The following RBFOX1 variants were observed in gnomAD, a reference collection of about 807,000 sequenced individuals.
RBFOX1 encodes the protein RNA binding protein fox-1 homolog 1.
RBFOX1 carries 8 observed loss-of-function variants against 57.7 expected under a neutral mutation model. The observed-to-expected ratio is 0.14, with a 90% CI of 0.08 to 0.25. The LOEUF (loss-of-function observed/expected upper bound fraction) is 0.25. Among genes scored for constraint, RBFOX1 ranks in the 10% least tolerant of loss-of-function variants. RBFOX1 has a pLI of 1.00. For missense variants in RBFOX1, 611 were observed against 548.5 expected, an observed-to-expected ratio of 1.11 and a Z score of -1.14; for synonymous variants, 326 against 222.4, an observed-to-expected ratio of 1.47 and a Z score of -4.15.
At chr16:5,522,538 G>A (rs1386059) in intron 2 of RBFOX1, among the ~76,000 whole-genome samples, 56,984 of 152,136 alleles carry the variant, frequency 0.37, 12,233 homozygotes, top group East Asian at 0.85. Context: ...ATTTCGATGT[G>A]TTGGAAAATG....
chr16:5,446,136 T>G (rs891884919), intron 1 of RBFOX1, among the ~76,000 whole-genome samples: 1 of 152,130 alleles, frequency 6.6e-6, no homozygotes, highest in African/African-American at 2.4e-5. Flanking sequence ...GAAGACAAAT[T>G]TTACCATGGA....
At chr16:5,974,271 T>A (rs1287526495) in intron 4 of RBFOX1, among the ~76,000 whole-genome samples, 1 of 152,176 alleles carries the variant, frequency 6.6e-6, no homozygotes, top group Non-Finnish European at 1.5e-5. Flanking sequence ...ATGAATAACT[T>A]GATAAAGCCT....
At chr16:5,253,297 C>A (rs1438615284) in intron 1 of RBFOX1, among the ~76,000 whole-genome samples, 1 of 152,074 alleles carries the variant, frequency 6.6e-6, no homozygotes. Flanking sequence ...CTAGAGGCAC[C>A]CACAACCACA....
chr16:5,917,634 C>G (rs534808975), intron 4 of RBFOX1, among the ~76,000 whole-genome samples: 1 of 152,150 alleles, frequency 6.6e-6, no homozygotes, highest in African/African-American at 2.4e-5. Context: ...TCTCCTGGGC[C>G]CTGGGAAATG....
rs536500020 is a variant in RBFOX1 at position 7,494,750 on chromosome 16, T to G, written c.28-23397T>G. Reference sequence around the variant, plus strand: ...ACAACAGGCCTTCTGAGTCTGGAAGTGGCTTTCATTCCGAAACTCAGCAGA... The same window carrying G: ...ACAACAGGCCTTCTGAGTCTGGAAGGGGCTTTCATTCCGAAACTCAGCAGA... On this transcript the variant is annotated intron_variant, in intron 4 of 15. Transcript: ENST00000550418. 9.9e-5 allele frequency among the ~76,000 whole-genome samples: 15 copies of G among 151,874 alleles called. No individual in the cohort carries two copies. In the East Asian group the frequency reaches 2.7e-3, roughly 28 times the overall value.
chr16:5,821,039 C>T (rs1230505022), intron 3 of RBFOX1, among the ~76,000 whole-genome samples: 4 of 152,048 alleles, frequency 2.6e-5, no homozygotes, highest in Admixed American at 2.6e-4. Flanking sequence ...CCCTCGTTTC[C>T]CTTTCCTTCC....
chr16:6,977,530 G>C (rs537407037), intron 3 of RBFOX1, among the ~76,000 whole-genome samples: 61 of 152,150 alleles, frequency 4.0e-4, no homozygotes, highest in Non-Finnish European at 7.2e-4. Context: ...TCAAAATGGA[G>C]TCACTGTAGT....
chr16:5,790,547 G>A (rs2054655893), intron 3 of RBFOX1, among the ~76,000 whole-genome samples: 1 of 151,022 alleles, frequency 6.6e-6, no homozygotes. Flanking sequence ...CAGAAATGTA[G>A]CACATGTGGT....
At chr16:5,465,965 C>G (rs1383559601) in intron 1 of RBFOX1, among the ~76,000 whole-genome samples, 1 of 152,154 alleles carries the variant, frequency 6.6e-6, no homozygotes, top group African/African-American at 2.4e-5. Context: ...CTTGTTGAGT[C>G]TGGAGCCCTT....
At chr16:5,796,452 T>A (rs537433489) in intron 3 of RBFOX1, among the ~76,000 whole-genome samples, 137 of 151,910 alleles carry the variant, frequency 9.0e-4, no homozygotes, top group Non-Finnish European at 1.8e-3. Flanking sequence ...TCACATGGGG[T>A]CAGAGAGAGG....
chr16:6,251,971 A>C lies in RBFOX1; in HGVS notation c.-126-65024A>C, dbSNP rs112218192. Reference sequence around the variant, plus strand: ...TTATTTCTGATCCAACCAATTCTGTAATGTCAGCCTGTGTAACATAATGGA... The same window carrying C: ...TTATTTCTGATCCAACCAATTCTGTCATGTCAGCCTGTGTAACATAATGGA... On this transcript the variant is annotated intron_variant, in intron 1 of 15. Transcript: ENST00000550418. Among the ~76,000 whole-genome samples, 690 of 152,176 alleles carry C rather than the reference A, an allele frequency of 4.5e-3. 4 individuals are homozygous for C. The highest frequency in any genetic ancestry group is 0.014 in the African/African-American group (567 of 41,532).
At chr16:6,065,260 C>G (rs935203077) in intron 1 of RBFOX1, among the ~76,000 whole-genome samples, 1 of 150,524 alleles carries the variant, frequency 6.6e-6, no homozygotes, top group African/African-American at 2.5e-5. Context: ...GTCTCAAACT[C>G]CTGGTCTCAA....
At chr16:6,317,122 C>G in intron 2 of RBFOX1, 65 bp downstream of exon 2, 1 of 1,418,152 alleles carries the variant, frequency 7.1e-7, no homozygotes, top group Non-Finnish European at 9.6e-7. Context: ...CCTGTTCTCT[C>G]TGAAAAGCTC....
At chr16:6,638,092 C>T (rs917091571) in intron 2 of RBFOX1, among the ~76,000 whole-genome samples, 1 of 152,108 alleles carries the variant, frequency 6.6e-6, no homozygotes, top group Non-Finnish European at 1.5e-5. Flanking sequence ...ATATCTGTGT[C>T]ATATGAATGT....
intron 3 of RBFOX1, among the ~76,000 whole-genome samples, chr16:6,972,325 G>GT (rs2153571282): frequency 6.6e-6 from 1 of 152,028 alleles, no homozygotes; most frequent in East Asian, 1.9e-4. Context: ...TTGCTACCTT[G>GT]TATCGGTGGA....
At position 7,673,478 on chromosome 16, in the gene RBFOX1, G is replaced by A. The variant is rs192473688; in HGVS notation, c.931-3296G>A. Reference sequence around the variant, plus strand: ...TCCCAGCACTTTGGGAGGCTGAATTGGGAGGATCGCTTGATCCCAGGAGTT... The same window carrying A: ...TCCCAGCACTTTGGGAGGCTGAATTAGGAGGATCGCTTGATCCCAGGAGTT... On this transcript the variant is annotated intron_variant, in intron 13 of 15. Transcript: ENST00000550418. 1.1e-3 allele frequency among the ~76,000 whole-genome samples: 162 copies of A among 152,296 alleles called. 1 individual carries two copies. Among genetic ancestry groups the A allele is most frequent in the Admixed American group, 2.5e-3 (39 of 15,304 alleles).
intron 3 of RBFOX1, among the ~76,000 whole-genome samples, chr16:7,002,893 G>C (rs1213969550): frequency 6.6e-6 from 1 of 152,098 alleles, no homozygotes; most frequent in Admixed American, 6.6e-5. Context: ...GATAAGGCTA[G>C]AAATCAGAAT....
At chr16:5,904,628 G>A (rs773105404) in intron 4 of RBFOX1, among the ~76,000 whole-genome samples, 4 of 151,936 alleles carry the variant, frequency 2.6e-5, no homozygotes, top group Non-Finnish European at 5.9e-5. Flanking sequence ...CTATGTTGAG[G>A]TCTTTGCCCT....
intron 2 of RBFOX1, among the ~76,000 whole-genome samples, chr16:6,562,859 TCTTTCTTTCTTTCTTTCTTTC>T (rs1249384716): frequency 0.029 from 2,059 of 69,962 alleles, 269 homozygotes; most frequent in African/African-American, 0.092. Flanking sequence ...TTTCTTTCTT[TCTTTCTTTCTTTCTTTCTTTC>T]TTTTTTTTTT....
Sources: gnomAD v4.1 joint callset for allele counts (sites outside exome capture counted in the v4.1 genomes callset) on GRCh38, gnomAD v4.1.1 for gene constraint, MANE v1.5 for transcripts, NCBI Gene and HGNC (gene_info 2026-07-23, HGNC 2026-07-21) for gene names.